The following TMEFF2 variants were observed in gnomAD, a reference collection of about 807,000 sequenced individuals.
TMEFF2 encodes the protein tomoregulin-2.
Under a neutral mutation model 53.8 loss-of-function variants are expected in TMEFF2, and 28 were observed. The observed-to-expected ratio is 0.52, with a 90% CI of 0.39 to 0.71. TMEFF2 has a LOEUF of 0.71. Among genes scored for constraint, TMEFF2 ranks in the 30% least tolerant of loss-of-function variants. The pLI is 0.00. For missense variants in TMEFF2, 353 were observed against 455.2 expected, an observed-to-expected ratio of 0.78 and a Z score of 2.04; for synonymous variants, 162 against 166.3, an observed-to-expected ratio of 0.97 and a Z score of 0.20.
intron 5 of TMEFF2, among the ~76,000 whole-genome samples, chr2:192,053,410 C>A (rs1468987993): frequency 6.6e-6 from 1 of 151,980 alleles, no homozygotes; most frequent in Non-Finnish European, 1.5e-5. Context: ...TAGATTTAAC[C>A]CAGTGGGAAA....
chr2:191,950,711 G>A (rs894931869), intron 9 of TMEFF2, among the ~76,000 whole-genome samples: 8 of 152,096 alleles, frequency 5.3e-5, no homozygotes, highest in African/African-American at 1.7e-4. Context: ...AATCAAGCAA[G>A]TCATGGGCCC....
At chr2:192,138,903 T>G (rs942738693) in intron 4 of TMEFF2, among the ~76,000 whole-genome samples, 1 of 152,178 alleles carries the variant, frequency 6.6e-6, no homozygotes, top group African/African-American at 2.4e-5. Context: ...TCAACAGCTA[T>G]TATTTTCTCC....
chr2:191,964,329 TTTCC>T lies in TMEFF2; in HGVS notation c.746-7955_746-7952del, dbSNP rs1299622284. On this transcript the variant is annotated intron_variant, in intron 7 of 9. Transcript: ENST00000272771. ...CTTCTTTCTTTCCTTCCTTCCTTTCTTTCCTTCTTTCTTTCTTTCTTTCTTTCTT... is the reference window on the plus strand; with the variant it reads ...CTTCTTTCTTTCCTTCCTTCCTTTCTTTCTTTCTTTCTTTCTTTCTTTCTT... 3.1e-3 allele frequency among the ~76,000 whole-genome samples: 350 copies of T among 114,708 alleles called. 1 individual carries two copies. Among genetic ancestry groups the T allele is most frequent in the African/African-American group, 0.013 (319 of 23,660 alleles). The allele number at this position is 114,708 out of a possible 152,430, so 75.3% of individuals were successfully genotyped here.
chr2:191,959,506 G>C (rs1692208171), intron 7 of TMEFF2, among the ~76,000 whole-genome samples: 1 of 152,208 alleles, frequency 6.6e-6, no homozygotes, highest in African/African-American at 2.4e-5. Context: ...TAAAGAGACA[G>C]AGAATGGCAA....
At chr2:192,172,068 G>A (rs1256869263) in intron 4 of TMEFF2, among the ~76,000 whole-genome samples, 4 of 152,010 alleles carry the variant, frequency 2.6e-5, no homozygotes, top group East Asian at 1.9e-4. Context: ...CCTGGCCCAC[G>A]GTATGCTCCC....
chr2:192,062,750 G>T (rs1027550350), intron 4 of TMEFF2, among the ~76,000 whole-genome samples: 2 of 151,934 alleles, frequency 1.3e-5, no homozygotes, highest in East Asian at 1.9e-4. Context: ...ATATATTGCT[G>T]GATTTCATTT....
At chr2:192,093,982 G>T (rs1255439136) in intron 4 of TMEFF2, among the ~76,000 whole-genome samples, 1 of 151,792 alleles carries the variant, frequency 6.6e-6, no homozygotes, top group Admixed American at 6.6e-5. Context: ...GCCAGGATTA[G>T]GTTTTTGTTG....
chr2:191,956,174 C>T, intron 8 of TMEFF2, 81 bp downstream of exon 8: 2 of 1,446,074 alleles, frequency 1.4e-6, no homozygotes, highest in Non-Finnish European at 1.8e-6. Flanking sequence ...AGAATGTCTA[C>T]CAATTTTCTA....
chr2:192,129,015 G>A (rs116355632), intron 4 of TMEFF2, among the ~76,000 whole-genome samples: 133 of 152,254 alleles, frequency 8.7e-4, no homozygotes, highest in Middle Eastern at 3.4e-3. Context: ...TTTCCTCTGG[G>A]ACATGCCTGG....
intron 5 of TMEFF2, among the ~76,000 whole-genome samples, chr2:192,039,920 A>T (rs1687431449): frequency 6.6e-6 from 1 of 152,114 alleles, no homozygotes; most frequent in African/African-American, 2.4e-5. Context: ...ACTGGCTCAT[A>T]TAACTATAAC....
At chr2:191,984,765 G>A (rs556626885) in intron 7 of TMEFF2, among the ~76,000 whole-genome samples, 4 of 152,194 alleles carry the variant, frequency 2.6e-5, no homozygotes, top group African/African-American at 9.6e-5. Context: ...AATATGAACA[G>A]TTGCTCCAAA....
intron 3 of TMEFF2, among the ~76,000 whole-genome samples, chr2:192,182,171 C>A (rs1030308597): frequency 4.6e-5 from 7 of 151,786 alleles, no homozygotes; most frequent in Non-Finnish European, 2.9e-5. Flanking sequence ...AAAGTTATAT[C>A]TTCTACTGCC....
chr2:192,189,781 A>T (rs140136461), intron 2 of TMEFF2, among the ~76,000 whole-genome samples: 35 of 152,202 alleles, frequency 2.3e-4, no homozygotes, highest in African/African-American at 8.2e-4. Context: ...CATGCAACTT[A>T]TACTTTTCTT....
intron 4 of TMEFF2, among the ~76,000 whole-genome samples, chr2:192,091,195 G>C (rs879450684): frequency 1.8e-4 from 28 of 152,080 alleles, no homozygotes; most frequent in Non-Finnish European, 3.7e-4. Context: ...TACTTCCCCC[G>C]TGTGTATCTG....
chr2:191,983,728 A>G (rs73033585), intron 7 of TMEFF2, among the ~76,000 whole-genome samples: 1 of 152,304 alleles, frequency 6.6e-6, no homozygotes, highest in African/African-American at 2.4e-5. Context: ...AACACATACA[A>G]TGTTTGAATG....
chr2:191,961,081 A>G (rs7584027), intron 7 of TMEFF2, among the ~76,000 whole-genome samples: 188 of 152,312 alleles, frequency 1.2e-3, no homozygotes, highest in African/African-American at 4.2e-3. Context: ...GATATTATTT[A>G]TATATATTAA....
Position 192,097,613 on chromosome 2 carries a change from A to G in TMEFF2, c.440-39838T>C, listed in dbSNP as rs1256469754. Among the ~76,000 whole-genome samples the G allele has an allele frequency of 2.0e-5, 3 of 152,228 alleles. 1 individual carries two copies. Among genetic ancestry groups the G allele is most frequent in the Non-Finnish European group, 4.4e-5 (3 of 68,038 alleles). On this transcript the variant is annotated intron_variant, in intron 4 of 9. Transcript: ENST00000272771. ...GAATAAATCTTAATTACAATTTTCA[A>G]TTCATTCTCCTGTTTATGCGATATA...
At position 191,963,863 on chromosome 2, in the gene TMEFF2, A is replaced by G. The variant is rs1215671973; in HGVS notation, c.746-7485T>C. Among the ~76,000 whole-genome samples, 4 of 152,326 alleles carry G rather than the reference A, an allele frequency of 2.6e-5. No individual in the cohort carries two copies. The East Asian group carries it at 7.7e-4, about 29-fold the overall frequency. On this transcript the variant is annotated intron_variant, in intron 7 of 9. Transcript: ENST00000272771. ...TACTTGAGAATCTTACAACAGGACC[A>G]TCATTGTGTTAATACTTAACATGGT...
chr2:192,120,495 A>G (rs1222746267), intron 4 of TMEFF2, among the ~76,000 whole-genome samples: 1 of 152,196 alleles, frequency 6.6e-6, no homozygotes, highest in Admixed American at 6.5e-5. Context: ...TTGAATATGT[A>G]TGATACTGGC....
Sources: gnomAD v4.1 joint callset for allele counts (sites outside exome capture counted in the v4.1 genomes callset) on GRCh38, gnomAD v4.1.1 for gene constraint, MANE v1.5 for transcripts, NCBI Gene and HGNC (gene_info 2026-07-23, HGNC 2026-07-21) for gene names.